The following EYS variants were observed in gnomAD, a reference collection of about 807,000 sequenced individuals.
EYS encodes the protein EGF-like photoreceptor maintenance factor.
In EYS, 250 loss-of-function variants were observed where a neutral mutation model predicts 282.1. That is an observed-to-expected ratio of 0.89 (90% confidence interval 0.80 to 0.98). The LOEUF is 0.98. Ranked by LOEUF, EYS falls within the 50% of genes least tolerant of loss-of-function variation. EYS has a pLI of 0.00. For missense variants in EYS, 4,016 were observed against 3,709.0 expected (o/e 1.08, Z -2.15); for synonymous variants, 1,355 against 1,282.9 (o/e 1.06, Z -1.20).
At chr6:64,147,410 T>C (rs749733080) in intron 31 of EYS, among the ~76,000 whole-genome samples, 36 of 152,190 alleles carry the variant, frequency 2.4e-4, no homozygotes, top group Non-Finnish European at 4.3e-4. Flanking sequence ...TAATGCTGAA[T>C]AATAGATGAC....
At chr6:64,287,654 T>C (rs1034856892) in intron 30 of EYS, among the ~76,000 whole-genome samples, 1 of 151,154 alleles carries the variant, frequency 6.6e-6, no homozygotes, top group African/African-American at 2.4e-5. Context: ...GCAGTGAGTA[T>C]AATTCTTCAA....
chr6:65,479,911 T>C (rs1402899379), intron 5 of EYS, among the ~76,000 whole-genome samples: 1 of 151,830 alleles, frequency 6.6e-6, no homozygotes, highest in East Asian at 1.9e-4. Flanking sequence ...ATCCCAGCAC[T>C]TGGGGAGGCC....
At chr6:64,206,816 C>CA (rs1281981095) in intron 31 of EYS, among the ~76,000 whole-genome samples, 8 of 152,122 alleles carry the variant, frequency 5.3e-5, no homozygotes, top group Middle Eastern at 6.8e-3. Context: ...ATGTTTCCTC[C>CA]AAAAAACATG....
At chr6:64,803,794 C>T (rs952478926) in intron 22 of EYS, among the ~76,000 whole-genome samples, 3 of 152,228 alleles carry the variant, frequency 2.0e-5, no homozygotes, top group African/African-American at 7.2e-5. Flanking sequence ...CCTGACAGTG[C>T]CTGGGCTTGG....
intron 14 of EYS, among the ~76,000 whole-genome samples, chr6:64,980,791 T>C (rs1770635637): frequency 6.6e-6 from 1 of 151,410 alleles, no homozygotes; most frequent in Non-Finnish European, 1.5e-5. Context: ...AAGACTTTAA[T>C]AGTTGAGATG....
intron 24 of EYS, 32 bp downstream of exon 24, chr6:64,617,386 T>A (rs1233203107): frequency 7.2e-7 from 1 of 1,381,688 alleles, no homozygotes; most frequent in Non-Finnish European, 1.0e-6. Flanking sequence ...GAATAAAAAA[T>A]TATTACAACC....
chr6:63,815,499 T>C (rs1771155305), intron 36 of EYS, among the ~76,000 whole-genome samples: 1 of 152,216 alleles, frequency 6.6e-6, no homozygotes, highest in Non-Finnish European at 1.5e-5. Context: ...TCCCCACAAA[T>C]TGACTATCTA....
At chr6:63,980,388 T>C (rs1767031943) in intron 35 of EYS, among the ~76,000 whole-genome samples, 1 of 151,768 alleles carries the variant, frequency 6.6e-6, no homozygotes, top group Non-Finnish European at 1.5e-5. Flanking sequence ...TGATGAGAAA[T>C]TGTTATTTGC....
intron 2 of EYS, among the ~76,000 whole-genome samples, chr6:65,519,708 A>ATATATATATATATAT (rs1554205854): frequency 4.7e-5 from 2 of 42,562 alleles, no homozygotes; most frequent in African/African-American, 2.5e-4. Context: ...ATATATATAT[A>ATATATATATATATAT]TTTTTTTTTT....
At chr6:63,724,561 A>T (rs184966218) in intron 42 of EYS, among the ~76,000 whole-genome samples, 1 of 152,278 alleles carries the variant, frequency 6.6e-6, no homozygotes, top group Non-Finnish European at 1.5e-5. Flanking sequence ...CAAAATGTTG[A>T]TAATTTTTAT....
chr6:64,749,546 A>G (rs879387554), intron 22 of EYS, among the ~76,000 whole-genome samples: 52 of 152,346 alleles, frequency 3.4e-4, no homozygotes, highest in East Asian at 9.6e-4. Flanking sequence ...CTTAGTATTC[A>G]TAAAACCATA....
chr6:65,689,379 T>G (rs1769152907), intron 1 of EYS, among the ~76,000 whole-genome samples: 1 of 145,284 alleles, frequency 6.9e-6, no homozygotes, highest in African/African-American at 2.5e-5. Context: ...TGTTGTGGAG[T>G]GGGGGTAGGG....
At chr6:64,235,044 A>G (rs1477779865) in intron 30 of EYS, among the ~76,000 whole-genome samples, 1 of 150,776 alleles carries the variant, frequency 6.6e-6, no homozygotes, top group Non-Finnish European at 1.5e-5. Context: ...CACCCGGCTA[A>G]TTTTTATTTT....
intron 22 of EYS, among the ~76,000 whole-genome samples, chr6:64,659,562 C>T (rs1002482305): frequency 9.2e-5 from 14 of 151,928 alleles, no homozygotes; most frequent in South Asian, 6.2e-4. Context: ...ATACCACCAC[C>T]GATCCCACAG....
chr6:65,602,694 G>A (rs984823438), intron 2 of EYS, among the ~76,000 whole-genome samples: 10 of 151,928 alleles, frequency 6.6e-5, no homozygotes, highest in Non-Finnish European at 1.3e-4. Context: ...GGTTAAGCAG[G>A]CAGTAAACTC....
chr6:64,493,076 C>T (rs1776785762), intron 26 of EYS, among the ~76,000 whole-genome samples: 1 of 151,398 alleles, frequency 6.6e-6, no homozygotes, highest in African/African-American at 2.4e-5. Context: ...CATGTTAATT[C>T]ATCTATGTCT....
chr6:65,249,229 C>T (rs992285168), intron 12 of EYS, among the ~76,000 whole-genome samples: 4 of 151,858 alleles, frequency 2.6e-5, no homozygotes, highest in Admixed American at 2.6e-4. Flanking sequence ...TGAACACCAA[C>T]CCCCAAAAGC....
intron 12 of EYS, among the ~76,000 whole-genome samples, chr6:65,252,731 GA>G (rs1390845003): frequency 4.0e-5 from 6 of 151,782 alleles, no homozygotes; most frequent in African/African-American, 1.5e-4. Context: ...GAAGTCAATG[GA>G]AAAATACAAA....
At chr6:64,684,360 A>G (rs1770010433) in intron 22 of EYS, among the ~76,000 whole-genome samples, 1 of 152,150 alleles carries the variant, frequency 6.6e-6, no homozygotes, top group African/African-American at 2.4e-5. Flanking sequence ...GATATTTCTG[A>G]ATACAAACCT....
Sources: allele counts gnomAD v4.1 joint callset (sites outside exome capture counted in the v4.1 genomes callset), GRCh38; gene constraint gnomAD v4.1.1; transcripts MANE v1.5; gene names NCBI Gene and HGNC (gene_info 2026-07-23, HGNC 2026-07-21).